The following GRM5 variants were observed in gnomAD, a reference collection of about 807,000 sequenced individuals.
GRM5 encodes the protein glutamate metabotropic receptor 5, also known as metabotropic glutamate receptor 5.
GRM5 carries 19 observed loss-of-function variants against 83.1 expected under a neutral mutation model. The observed-to-expected ratio is 0.23, with a 90% CI of 0.16 to 0.34. The LOEUF is 0.34. Ranked by LOEUF, GRM5 falls within the 10% of genes least tolerant of loss-of-function variation. GRM5 has a pLI of 1.00. For synonymous variants in GRM5, 675 were observed against 633.6 expected (o/e 1.07, Z -0.98); for missense variants, 1,160 against 1,588.3 (o/e 0.73, Z 4.58).
At chr11:88,750,948 C>A (rs564509376) in intron 3 of GRM5, among the ~76,000 whole-genome samples, 2 of 151,378 alleles carry the variant, frequency 1.3e-5, no homozygotes, top group Admixed American at 1.3e-4. Context: ...TCAATGCCCA[C>A]ATCAAAAACT....
intron 6 of GRM5, among the ~76,000 whole-genome samples, chr11:88,592,858 G>A (rs1341617660): frequency 1.3e-5 from 2 of 152,042 alleles, no homozygotes; most frequent in Non-Finnish European, 2.9e-5. Flanking sequence ...TGTTGCTTAG[G>A]CTGGGAGTGC....
chr11:89,048,665 G>A (rs1941694612), intron 1 of GRM5, among the ~76,000 whole-genome samples: 1 of 152,106 alleles, frequency 6.6e-6, no homozygotes, highest in Admixed American at 6.6e-5. Flanking sequence ...TAATTAATGT[G>A]GAAGATATAA....
At chr11:88,798,805 C>CAAAAAAAAAAAAAAAA (rs4002396) in intron 3 of GRM5, among the ~76,000 whole-genome samples, 77 of 55,210 alleles carry the variant, frequency 1.4e-3, no homozygotes, top group Middle Eastern at 0.016. Flanking sequence ...ATGAAAACAC[C>CAAAAAAAAAAAAAAAA]AAAAAAAAAA....
At chr11:88,783,476 G>A (rs1337398808) in intron 3 of GRM5, among the ~76,000 whole-genome samples, 3 of 152,118 alleles carry the variant, frequency 2.0e-5, no homozygotes, top group Admixed American at 1.3e-4. Flanking sequence ...AGGTAGGTAG[G>A]TGTGTCAGAG....
intron 2 of GRM5, among the ~76,000 whole-genome samples, chr11:88,937,055 G>A (rs1449535462): frequency 6.6e-6 from 1 of 151,582 alleles, no homozygotes; most frequent in Non-Finnish European, 1.5e-5. Context: ...CAAATAAGTA[G>A]CATTGTTGAG....
chr11:88,515,035 C>T (rs556177229), intron 9 of GRM5, among the ~76,000 whole-genome samples: 9 of 152,098 alleles, frequency 5.9e-5, no homozygotes, highest in Non-Finnish European at 1.2e-4. Context: ...GAGAATCACT[C>T]GATCCTCTCT....
chr11:89,047,489 G>A lies in GRM5; in HGVS notation c.384C>T (p.Arg128=). ...AGGAAGAGGAGGAGCCATCCACACAGCGTACCAAGCCTTCTTCCTCTTCTG... is the reference window on the plus strand; with the variant it reads ...AGGAAGAGGAGGAGCCATCCACACAACGTACCAAGCCTTCTTCCTCTTCTG... The part of the protein sequence containing the change: ...ISSEEEEGLV[R]CVDGSSSSFR... The change falls in exon 2 of 10, where the codon CGC becomes CGT. Residue 128 remains arginine (R), a synonymous_variant. Transcript: ENST00000305447. The surrounding 1 kb of genome is among the most constrained non-coding windows in gnomAD (Gnocchi z 5.1). The A allele has an allele frequency of 1.2e-6, 2 of 1,614,174 alleles. No homozygotes were observed. The highest frequency in any genetic ancestry group is 8.5e-7 in the Non-Finnish European group (1 of 1,180,024).
intron 3 of GRM5, among the ~76,000 whole-genome samples, chr11:88,796,574 G>A (rs1328488219): frequency 6.6e-6 from 1 of 151,986 alleles, no homozygotes; most frequent in Non-Finnish European, 1.5e-5. Context: ...AAAAAGCCAG[G>A]AACAAATGGT....
chr11:88,903,942 C>A (rs1168719189), intron 2 of GRM5, among the ~76,000 whole-genome samples: 1 of 152,046 alleles, frequency 6.6e-6, no homozygotes, highest in African/African-American at 2.4e-5. Flanking sequence ...CAAGTAAAAA[C>A]TATAGATTTC....
intron 3 of GRM5, among the ~76,000 whole-genome samples, chr11:88,683,279 C>A (rs546929641): frequency 6.6e-6 from 1 of 152,266 alleles, no homozygotes; most frequent in Non-Finnish European, 1.5e-5. Flanking sequence ...GTTTGTGAAT[C>A]CCTGATGTTT....
At chr11:89,065,518 G>T (rs1425375297) in intron 1 of GRM5, among the ~76,000 whole-genome samples, 1 of 152,020 alleles carries the variant, frequency 6.6e-6, no homozygotes, top group Non-Finnish European at 1.5e-5. Flanking sequence ...GGTAGCCCAG[G>T]CTCCTGACTT....
intron 3 of GRM5, among the ~76,000 whole-genome samples, chr11:88,845,534 C>A (rs1483853427): frequency 6.8e-6 from 1 of 147,282 alleles, no homozygotes; most frequent in East Asian, 2.1e-4. Context: ...CCCGGGTTTG[C>A]GCCATTCTCC....
At chr11:88,802,347 A>G (rs902087196) in intron 3 of GRM5, among the ~76,000 whole-genome samples, 9 of 152,208 alleles carry the variant, frequency 5.9e-5, no homozygotes, top group Non-Finnish European at 1.2e-4. Context: ...TAGTGTATAC[A>G]TAGTATTCTG....
At chr11:89,040,682 T>TAG (rs531334725) in intron 2 of GRM5, among the ~76,000 whole-genome samples, 1 of 150,838 alleles carries the variant, frequency 6.6e-6, no homozygotes, top group Non-Finnish European at 1.5e-5. Flanking sequence ...GCCTGGGCAA[T>TAG]AGAGAGAGAC....
chr11:88,791,446 C>CTGCT (rs1343274784), intron 3 of GRM5, among the ~76,000 whole-genome samples: 1 of 152,176 alleles, frequency 6.6e-6, no homozygotes, highest in Non-Finnish European at 1.5e-5. Context: ...AAATGCTGAG[C>CTGCT]TGCTACTGCT....
intron 3 of GRM5, among the ~76,000 whole-genome samples, chr11:88,813,956 T>TA (rs11404971): frequency 0.036 from 5,477 of 150,848 alleles, 265 homozygotes; most frequent in Admixed American, 0.15. Context: ...ATTCAAAAGA[T>TA]AAAAAAAAAC....
intron 3 of GRM5, among the ~76,000 whole-genome samples, chr11:88,721,129 T>C (rs899478570): frequency 6.6e-6 from 1 of 151,958 alleles, no homozygotes; most frequent in Non-Finnish European, 1.5e-5. Context: ...ATAGGATTCT[T>C]AGGGAGATTA....
chr11:89,005,247 G>C (rs945898263), intron 2 of GRM5, among the ~76,000 whole-genome samples: 1 of 152,218 alleles, frequency 6.6e-6, no homozygotes, highest in African/African-American at 2.4e-5. Context: ...AGAGCTTGTT[G>C]AAAGACTCCT....
chr11:88,691,916 C>G (rs1038555989), intron 3 of GRM5, among the ~76,000 whole-genome samples: 5 of 152,176 alleles, frequency 3.3e-5, no homozygotes, highest in Non-Finnish European at 7.3e-5. Context: ...TGAAGCAGCT[C>G]CCTGTGAGCA....
Sources: gnomAD v4.1 joint callset for allele counts (sites outside exome capture counted in the v4.1 genomes callset) on GRCh38, gnomAD v4.1.1 for gene constraint, Gnocchi (gnomAD v3.1) non-coding constraint, MANE v1.5 for transcripts, NCBI Gene and HGNC (gene_info 2026-07-23, HGNC 2026-07-21) for gene names.